Variants in SPHKAP observed in about 807,000 individuals in gnomAD.
SPHKAP encodes the protein SPHK1 interactor, AKAP domain containing.
SPHKAP carries 67 observed loss-of-function variants against 137.5 expected under a neutral mutation model. The observed-to-expected ratio is 0.49, with a 90% CI of 0.40 to 0.60. The LOEUF (loss-of-function observed/expected upper bound fraction) is 0.60. SPHKAP is among the 20% of genes least tolerant of loss of function. SPHKAP has a pLI of 0.00. For synonymous variants in SPHKAP, 813 were observed against 785.3 expected (o/e 1.04, Z -0.59); for missense variants, 2,097 against 2,069.3 (o/e 1.01, Z -0.26).
intron 1 of SPHKAP, among the ~76,000 whole-genome samples, chr2:228,178,033 T>C (rs1700790857): frequency 6.6e-6 from 1 of 152,192 alleles, no homozygotes; most frequent in Admixed American, 6.5e-5. Flanking sequence ...AAACTATTTC[T>C]ATTTGCTAAA....
chr2:228,166,320 A>T (rs1229099378), intron 1 of SPHKAP, among the ~76,000 whole-genome samples: 5 of 152,316 alleles, frequency 3.3e-5, no homozygotes, highest in Admixed American at 3.3e-4. Context: ...TTTCCCTTAT[A>T]TTATTTTGAA....
chr2:228,132,017 C>G lies in SPHKAP; in HGVS notation c.101G>C (p.Gly34Ala). ...TGTGATGGAGTTCCCCGGGCCGCTT[C>G]CTGAGCTGCCACAGCCTCTGCCCTG... ...PQQGRGCGSSGSGPGNSITAC... is the reference protein window; with the variant it reads ...PQQGRGCGSSASGPGNSITAC... The change falls in exon 2 of 12, where the codon GGA (glycine) becomes GCA (alanine). Residue 34 changes from glycine (G) to alanine (A), a missense_variant. Coordinates refer to ENST00000392056, the MANE Select transcript of SPHKAP (RefSeq NM_001142644.2). 6.2e-7 allele frequency: 1 copy of G among 1,614,062 alleles called. No individual in the cohort carries two copies. The highest frequency in any genetic ancestry group is 1.3e-5 in the African/African-American group (1 of 75,040).
chr2:228,029,581 G>A lies in SPHKAP; in HGVS notation c.247-2038C>T, dbSNP rs114462584. On this transcript the variant is annotated intron_variant, in intron 3 of 11. Coordinates refer to ENST00000392056, the MANE Select transcript of SPHKAP (RefSeq NM_001142644.2). ...AAAGGACCCACACTCCCATTCAGAA[G>A]TTCTTTTTGCTCTGGGTTAATAAGA... 3.4e-3 allele frequency among the ~76,000 whole-genome samples: 511 copies of A among 152,256 alleles called. 4 individuals are homozygous for A. Among genetic ancestry groups the A allele is most frequent in the African/African-American group, 0.012 (492 of 41,560 alleles).
chr2:228,033,552 C>A (rs1472640825), intron 3 of SPHKAP, among the ~76,000 whole-genome samples: 5 of 152,180 alleles, frequency 3.3e-5, no homozygotes, highest in Non-Finnish European at 7.3e-5. Flanking sequence ...AGAGAAGTCT[C>A]CACCCCAAAT....
At position 227,991,283 on chromosome 2, in the gene SPHKAP, T is replaced by C. The variant is rs1693405468; in HGVS notation, c.4765A>G (p.Ser1589Gly). 8 of 1,614,218 alleles carry C rather than the reference T, an allele frequency of 5.0e-6. No individual in the cohort carries two copies. Among genetic ancestry groups the C allele is most frequent in the Non-Finnish European group, 6.8e-6 (8 of 1,180,028 alleles). The change falls in exon 10 of 12, where the codon AGC (serine) becomes GGC (glycine). Residue 1589 changes from serine to glycine, a missense_variant. Ser to Gly is a moderately conservative substitution (Grantham distance 56, BLOSUM62 0). Coordinates refer to ENST00000392056, the MANE Select transcript of SPHKAP (RefSeq NM_001142644.2). ...EKKILKGQSE[S>G]TEAPASGPPT... is the part of the protein sequence containing the mutation. ...TGGGAAGGTGGCTTACCCTCTGTGC[T>C]TTCTGACTGTCCTTTAAGAATCTTC... is the stretch of plus-strand genomic sequence containing the variant.
intron 1 of SPHKAP, among the ~76,000 whole-genome samples, chr2:228,143,370 T>G (rs574512236): frequency 6.6e-6 from 1 of 152,316 alleles, no homozygotes; most frequent in South Asian, 2.1e-4. Context: ...AATGAGACCC[T>G]GTCTCTATGA....
At chr2:228,083,338 C>A (rs551592415) in intron 3 of SPHKAP, among the ~76,000 whole-genome samples, 31 of 152,312 alleles carry the variant, frequency 2.0e-4, no homozygotes, top group African/African-American at 7.0e-4. Flanking sequence ...TCCACAGACT[C>A]ACCAGCATCT....
chr2:228,133,460 A>G (rs192067645), intron 1 of SPHKAP, among the ~76,000 whole-genome samples: 40 of 152,328 alleles, frequency 2.6e-4, no homozygotes, highest in Middle Eastern at 3.4e-3. Flanking sequence ...AAAATTATCT[A>G]AATGTTATAT....
At chr2:228,122,064 C>T (rs914550705) in intron 2 of SPHKAP, among the ~76,000 whole-genome samples, 6 of 151,252 alleles carry the variant, frequency 4.0e-5, no homozygotes, top group African/African-American at 1.2e-4. Context: ...TTTTAAGTAC[C>T]GAAAGATAAA....
intron 1 of SPHKAP, among the ~76,000 whole-genome samples, chr2:228,158,929 C>T (rs897363092): frequency 5.3e-5 from 8 of 152,182 alleles, no homozygotes; most frequent in African/African-American, 1.7e-4. Flanking sequence ...CAATTTTGCT[C>T]TCCGAATATG....
Position 228,044,397 on chromosome 2 carries a change from T to A in SPHKAP, c.247-16854A>T, listed in dbSNP as rs531398735. On this transcript the variant is annotated intron_variant, in intron 3 of 11. Coordinates refer to ENST00000392056, the MANE Select transcript of SPHKAP (RefSeq NM_001142644.2). ...TGAATATCTATATTAATAAAAGACA[T>A]CAAGTGGTTCTTAGTTTCACGGGTA... 8.5e-5 allele frequency among the ~76,000 whole-genome samples: 13 copies of A among 152,298 alleles called. No homozygotes were observed. In the South Asian group the frequency reaches 2.7e-3, roughly 32 times the overall value.
intron 1 of SPHKAP, among the ~76,000 whole-genome samples, chr2:228,174,758 T>A (rs972531785): frequency 2.6e-5 from 4 of 152,102 alleles, no homozygotes; most frequent in African/African-American, 9.7e-5. Context: ...TGGAACTATA[T>A]GGCAGGGAAT....
intron 7 of SPHKAP, among the ~76,000 whole-genome samples, chr2:228,003,084 G>A (rs907329852): frequency 1.3e-5 from 2 of 152,166 alleles, no homozygotes; most frequent in East Asian, 3.9e-4. Flanking sequence ...CTTTAAAGTA[G>A]TTTTTTCCAA....
Position 228,019,641 on chromosome 2 carries a change from T to C in SPHKAP, c.1213A>G (p.Ile405Val), listed in dbSNP as rs1157251842. The part of the protein sequence containing the change: ...LAESVLQDAF[I>V]RLSQSQSTLP... ...GTGGACTGAGATTGAGATAATCTAA[T>C]AAATGCATCCTGCAGCACGGATTCT... The change falls in exon 7 of 12, where the codon ATT becomes GTT. Residue 405 changes from isoleucine to valine, a missense_variant. Coordinates refer to ENST00000392056, the MANE Select transcript of SPHKAP (RefSeq NM_001142644.2). The C allele has an allele frequency of 6.2e-7, 1 of 1,614,124 alleles. No individual in the cohort carries two copies. The highest frequency in any genetic ancestry group is 1.1e-5 in the South Asian group (1 of 91,072).
At chr2:228,146,209 C>T (rs1233178296) in intron 1 of SPHKAP, among the ~76,000 whole-genome samples, 1 of 152,164 alleles carries the variant, frequency 6.6e-6, no homozygotes, top group Admixed American at 6.5e-5. Flanking sequence ...TCAATATCCC[C>T]AGCCATAGTG....
At chr2:228,087,239 T>C (rs1054298028) in intron 3 of SPHKAP, among the ~76,000 whole-genome samples, 1 of 152,080 alleles carries the variant, frequency 6.6e-6, no homozygotes, top group East Asian at 1.9e-4. Context: ...TAGACTTCAC[T>C]AAAATAACCT....
intron 1 of SPHKAP, among the ~76,000 whole-genome samples, chr2:228,153,115 A>C (rs1239167851): frequency 1.3e-5 from 2 of 152,140 alleles, no homozygotes; most frequent in Non-Finnish European, 2.9e-5. Flanking sequence ...CCCTAGCCAC[A>C]TGGAACTGTG....
In SPHKAP at chr2:228,113,626, T is replaced by A. The variant is rs867274376; in HGVS notation, c.139-4687A>T. 3.9e-3 allele frequency among the ~76,000 whole-genome samples: 559 copies of A among 144,838 alleles called. 5 individuals carry two copies. Among genetic ancestry groups the A allele is most frequent in the African/African-American group, 0.014 (505 of 36,026 alleles). On this transcript the variant is annotated intron_variant, in intron 2 of 11. Transcript: ENST00000392056. ...CCATCTCTCTCTCTCTCTCTCTCTCTCTCTCTCTCTCTCTCTCTCTCTCTG... is the reference window on the plus strand; with the variant it reads ...CCATCTCTCTCTCTCTCTCTCTCTCACTCTCTCTCTCTCTCTCTCTCTCTG...
intron 2 of SPHKAP, among the ~76,000 whole-genome samples, chr2:228,126,182 A>T (rs1233824534): frequency 6.6e-6 from 1 of 152,144 alleles, no homozygotes; most frequent in Non-Finnish European, 1.5e-5. Flanking sequence ...AGGGCTCCCT[A>T]CCCAGCAGCT....
Sources: allele counts gnomAD v4.1 joint callset (sites outside exome capture counted in the v4.1 genomes callset), GRCh38; gene constraint gnomAD v4.1.1; transcripts MANE v1.5; gene names NCBI Gene and HGNC (gene_info 2026-07-23, HGNC 2026-07-21).